The following CADPS2 variants were observed in gnomAD, a reference collection of about 807,000 sequenced individuals.
CADPS2 encodes calcium-dependent secretion activator 2.
Under a neutral mutation model 172.5 loss-of-function variants are expected in CADPS2, and 93 were observed. That is an observed-to-expected ratio of 0.54 (90% CI 0.46 to 0.64). The LOEUF is 0.64. CADPS2 is among the 30% of genes least tolerant of loss of function. The pLI is 0.00. For synonymous variants in CADPS2, 546 were observed against 555.2 expected (o/e 0.98, Z 0.23); for missense variants, 1,420 against 1,565.9 (o/e 0.91, Z 1.57).
At chr7:122,869,527 A>C (rs752083098) in intron 1 of CADPS2, among the ~76,000 whole-genome samples, 3 of 152,066 alleles carry the variant, frequency 2.0e-5, no homozygotes, top group Non-Finnish European at 2.9e-5. Context: ...TCTCAGACAC[A>C]CAAAAGCTAA....
chr7:122,705,947 A>ATATTTAATATAT (rs1564125391), intron 2 of CADPS2, among the ~76,000 whole-genome samples: 22 of 960 alleles, frequency 0.023, 7 homozygotes, highest in African/African-American at 0.024. Context: ...ATATAATATA[A>ATATTTAATATAT]TATATAATAT....
At chr7:122,347,287 T>A (rs1326400142) in intron 27 of CADPS2, among the ~76,000 whole-genome samples, 1 of 151,024 alleles carries the variant, frequency 6.6e-6, no homozygotes, top group African/African-American at 2.4e-5. Context: ...GTTCTTGCCA[T>A]TTTTTTTTGG....
chr7:122,410,290 G>T (rs538547680), intron 19 of CADPS2, among the ~76,000 whole-genome samples: 1 of 152,092 alleles, frequency 6.6e-6, no homozygotes, highest in Non-Finnish European at 1.5e-5. Flanking sequence ...GTTGCAGTAA[G>T]CCAAGATCGC....
chr7:122,645,488 GTATA>G (rs201796821), intron 3 of CADPS2, among the ~76,000 whole-genome samples: 49 of 94,276 alleles, frequency 5.2e-4, no homozygotes, highest in Admixed American at 1.0e-3. Flanking sequence ...TATATTTAGC[GTATA>G]TATATATAAG....
chr7:122,585,208 GTTAT>G (rs1470381397), intron 6 of CADPS2, among the ~76,000 whole-genome samples: 3 of 151,894 alleles, frequency 2.0e-5, no homozygotes, highest in African/African-American at 4.8e-5. Flanking sequence ...TGCATAAATA[GTTAT>G]TTATAAATAT....
chr7:122,710,835 A>G (rs1391770201), intron 2 of CADPS2, among the ~76,000 whole-genome samples: 1 of 152,076 alleles, frequency 6.6e-6, no homozygotes, highest in Admixed American at 6.6e-5. Flanking sequence ...ATGTCTGTCT[A>G]TACTTTCACT....
Position 122,663,342 on chromosome 7 carries a change from A to T in CADPS2, c.681T>A (p.Ser227Arg), listed in dbSNP as rs374955906. 2 of 1,613,786 alleles carry T rather than the reference A, an allele frequency of 1.2e-6. No individual in the cohort carries two copies. The highest frequency in any genetic ancestry group is 3.3e-5 in the Admixed American group (2 of 59,990). ...TGCTCAGAATAAGTTCAGACACTGC[A>T]CTTAGGGCCATTCTATTTGGCTGTT... is the stretch of plus-strand genomic sequence containing the variant. Reference protein sequence around the residue: ...LCKQPNRMALSAVSELILSKE... With the variant: ...LCKQPNRMALRAVSELILSKE... The change falls in exon 3 of 30, where the codon AGT becomes AGA. Residue 227 changes from serine to arginine, a missense_variant. Transcript: ENST00000449022.
intron 2 of CADPS2, among the ~76,000 whole-genome samples, chr7:122,689,764 G>A (rs1226347380): frequency 6.6e-6 from 1 of 152,152 alleles, no homozygotes; most frequent in Non-Finnish European, 1.5e-5. Flanking sequence ...TAGTGATCGT[G>A]TTATGTTTGC....
intron 9 of CADPS2, among the ~76,000 whole-genome samples, chr7:122,493,661 A>C (rs2058493519): frequency 6.6e-6 from 1 of 152,002 alleles, no homozygotes. Context: ...TTTTACGTAC[A>C]TCACAGTACA....
chr7:122,841,920 A>C (rs558537992), intron 1 of CADPS2, among the ~76,000 whole-genome samples: 1 of 152,336 alleles, frequency 6.6e-6, no homozygotes, highest in South Asian at 2.1e-4. Context: ...GAGATGGGAT[A>C]CTCAAAATGG....
At chr7:122,419,971 A>G (rs999372279) in intron 17 of CADPS2, among the ~76,000 whole-genome samples, 1 of 152,130 alleles carries the variant, frequency 6.6e-6, no homozygotes, top group African/African-American at 2.4e-5. Flanking sequence ...TAAATCCTGC[A>G]TACTCTTCTG....
intron 28 of CADPS2, among the ~76,000 whole-genome samples, chr7:122,334,409 T>C (rs916099492): frequency 6.6e-6 from 1 of 152,112 alleles, no homozygotes; most frequent in Non-Finnish European, 1.5e-5. Context: ...CTAAGTGACA[T>C]GTCCTGGGTG....
chr7:122,882,193 A>G (rs1487854894), intron 1 of CADPS2, among the ~76,000 whole-genome samples: 1 of 152,196 alleles, frequency 6.6e-6, no homozygotes, highest in African/African-American at 2.4e-5. Context: ...GCAATTTCAC[A>G]GTATTATTTA....
intron 20 of CADPS2, among the ~76,000 whole-genome samples, chr7:122,394,423 G>T (rs1254557795): frequency 6.6e-6 from 1 of 152,090 alleles, no homozygotes; most frequent in Non-Finnish European, 1.5e-5. Flanking sequence ...ATTTAACAAA[G>T]ACTTTATTTT....
intron 2 of CADPS2, among the ~76,000 whole-genome samples, chr7:122,730,279 T>C (rs1303954649): frequency 1.3e-5 from 2 of 151,748 alleles, no homozygotes; most frequent in African/African-American, 4.8e-5. Flanking sequence ...AACCTAACCA[T>C]TGGCATTTAT....
At chr7:122,543,275 A>G (rs998639600) in intron 8 of CADPS2, among the ~76,000 whole-genome samples, 11 of 152,078 alleles carry the variant, frequency 7.2e-5, no homozygotes, top group African/African-American at 2.2e-4. Context: ...ACTGTTTTCA[A>G]TTTTACAGTT....
At chr7:122,471,799 G>A (rs2055987722) in intron 13 of CADPS2, among the ~76,000 whole-genome samples, 1 of 152,050 alleles carries the variant, frequency 6.6e-6, no homozygotes, top group Admixed American at 6.6e-5. Flanking sequence ...GGTAACTTGT[G>A]CCTCTCCAAT....
intron 7 of CADPS2, among the ~76,000 whole-genome samples, chr7:122,573,426 G>C (rs2067542341): frequency 6.6e-6 from 1 of 152,026 alleles, no homozygotes; most frequent in African/African-American, 2.4e-5. Flanking sequence ...AGTAGTCCCA[G>C]CAACTTGGGA....
chr7:122,622,533 T>C (rs1449353489), intron 4 of CADPS2, among the ~76,000 whole-genome samples: 3 of 152,236 alleles, frequency 2.0e-5, no homozygotes, highest in Non-Finnish European at 2.9e-5. Context: ...TGCCGAATCA[T>C]TCTTAGAGAA....
Sources: allele counts gnomAD v4.1 joint callset (sites outside exome capture counted in the v4.1 genomes callset), GRCh38; gene constraint gnomAD v4.1.1; transcripts MANE v1.5; gene names NCBI Gene and HGNC (gene_info 2026-07-23, HGNC 2026-07-21).